Variants in BAZ2B observed in about 807,000 individuals in gnomAD.
The protein encoded by BAZ2B is bromodomain adjacent to zinc finger domain protein 2B.
In BAZ2B, 91 loss-of-function variants were observed where a neutral mutation model predicts 246.0. That is an observed-to-expected ratio of 0.37 (90% CI 0.31 to 0.44). The LOEUF (loss-of-function observed/expected upper bound fraction) is 0.44, where lower values mean the gene tolerates loss of function less well. Ranked by LOEUF, BAZ2B falls within the 20% of genes least tolerant of loss-of-function variation. BAZ2B has a pLI of 1.00. For missense variants in BAZ2B, 2,332 were observed against 2,533.7 expected, an observed-to-expected ratio of 0.92 and a Z score of 1.71; for synonymous variants, 855 against 860.0, an observed-to-expected ratio of 0.99 and a Z score of 0.10.
At chr2:159,638,084 G>C in the BAZ2B span, among the ~76,000 whole-genome samples, 1 of 152,262 alleles carries the variant, frequency 6.6e-6, no homozygotes, top group African/African-American at 2.4e-5. Context: ...CACAGAGAGA[G>C]AGAGACTCCG....
At chr2:159,559,162 T>G (rs976513836) in intron 1 of BAZ2B, among the ~76,000 whole-genome samples, 1 of 152,040 alleles carries the variant, frequency 6.6e-6, no homozygotes, top group Non-Finnish European at 1.5e-5. Flanking sequence ...GAGGATCACC[T>G]GAGCCCAAGG....
chr2:159,343,951 G>A lies in BAZ2B; in HGVS notation c.5454+3535C>T, dbSNP rs568962457. Among the ~76,000 whole-genome samples, 499 of 150,078 alleles carry A rather than the reference G, an allele frequency of 3.3e-3. 2 individuals are homozygous for A. Among genetic ancestry groups the A allele is most frequent in the African/African-American group, 0.012 (475 of 40,892 alleles). ...TGAGGCAGCAGAATGGCGGGAACCC[G>A]GGAGGTGGAGCTTGCAGTGAGCCAA... On this transcript the variant is annotated intron_variant, in intron 31 of 36. Coordinates refer to ENST00000392783, the MANE Select transcript of BAZ2B (RefSeq NM_013450.4).
At chr2:159,691,179 A>T in the BAZ2B span, among the ~76,000 whole-genome samples, 1 of 152,160 alleles carries the variant, frequency 6.6e-6, no homozygotes, top group Non-Finnish European at 1.5e-5. Flanking sequence ...TATATGATTT[A>T]TCTCTATATT....
chr2:159,365,408 A>G (rs1245989912), intron 27 of BAZ2B, among the ~76,000 whole-genome samples: 1 of 152,248 alleles, frequency 6.6e-6, no homozygotes, highest in Non-Finnish European at 1.5e-5. Context: ...AAGCAGAAAC[A>G]GACGAAGAAT....
the BAZ2B span, among the ~76,000 whole-genome samples, chr2:159,624,480 A>G: frequency 6.6e-6 from 1 of 152,158 alleles, no homozygotes; most frequent in African/African-American, 2.4e-5. Context: ...TCTGGGACGA[A>G]GCTTCCAGAG....
chr2:159,535,619 G>A (rs1037661731), intron 2 of BAZ2B, among the ~76,000 whole-genome samples: 1 of 152,136 alleles, frequency 6.6e-6, no homozygotes, highest in Non-Finnish European at 1.5e-5. Context: ...TTATCAGTAT[G>A]TAAAAATGAT....
At chr2:159,474,871 T>G (rs2078305954) in intron 3 of BAZ2B, among the ~76,000 whole-genome samples, 1 of 152,206 alleles carries the variant, frequency 6.6e-6, no homozygotes, top group African/African-American at 2.4e-5. Flanking sequence ...TTTAAGAATG[T>G]TGAATATTGG....
intron 25 of BAZ2B, among the ~76,000 whole-genome samples, chr2:159,375,723 G>A (rs954646342): frequency 3.3e-5 from 5 of 152,170 alleles, no homozygotes; most frequent in African/African-American, 9.7e-5. Context: ...GGATGTAAGA[G>A]ATATCACATA....
At chr2:159,668,877 C>T in the BAZ2B span, among the ~76,000 whole-genome samples, 1 of 151,890 alleles carries the variant, frequency 6.6e-6, no homozygotes, top group African/African-American at 2.4e-5. Context: ...GGCAACATGG[C>T]GAAACCCCAT....
the BAZ2B span, among the ~76,000 whole-genome samples, chr2:159,674,391 AAAG>A: frequency 7.1e-6 from 1 of 141,734 alleles, no homozygotes; most frequent in Non-Finnish European, 1.6e-5. Context: ...GAAGAAAAGA[AAAG>A]AAAAGAGAAG....
chr2:159,697,997 T>C, the BAZ2B span, among the ~76,000 whole-genome samples: 10 of 152,210 alleles, frequency 6.6e-5, no homozygotes, highest in Non-Finnish European at 1.3e-4. Context: ...TGTTTTTTCA[T>C]ATGAAATATG....
intron 13 of BAZ2B, among the ~76,000 whole-genome samples, chr2:159,415,444 C>CAAAAAAAAAAAA (rs66504722): frequency 1.8e-5 from 2 of 112,932 alleles, no homozygotes; most frequent in Admixed American, 9.7e-5. Context: ...GACTCCGTCT[C>CAAAAAAAAAAAA]AAAAAAAAAA....
downstream of BAZ2B, among the ~76,000 whole-genome samples, chr2:159,316,865 G>A (rs2062185736): frequency 6.6e-6 from 1 of 151,844 alleles, no homozygotes; most frequent in Non-Finnish European, 1.5e-5. Context: ...GCCAGGTGTG[G>A]TGGCACGTGC....
intron 2 of BAZ2B, among the ~76,000 whole-genome samples, chr2:159,509,046 C>T (rs889881335): frequency 2.6e-5 from 4 of 152,118 alleles, no homozygotes. Context: ...AAACATTGTT[C>T]TCCTAATCCA....
Position 159,582,983 on chromosome 2 carries a change from AAAT to A in BAZ2B, c.-45-27121_-45-27119del, listed in dbSNP as rs917317791. 7.2e-5 allele frequency among the ~76,000 whole-genome samples: 11 copies of A among 152,186 alleles called. No homozygotes were observed. The East Asian group carries it at 7.7e-4, about 11-fold the overall frequency. ...GGATTTTGAAAGCTAACTCAACAAAAAATAATGTGTATAATTATATAGAATACA... is the reference window on the plus strand; with the variant it reads ...GGATTTTGAAAGCTAACTCAACAAAAAATGTGTATAATTATATAGAATACA... On this transcript the variant is annotated intron_variant, in intron 1 of 36. Coordinates refer to ENST00000392783, the MANE Select transcript of BAZ2B (RefSeq NM_013450.4).
chr2:159,568,020 A>AT (rs1683054198), intron 1 of BAZ2B, among the ~76,000 whole-genome samples: 1 of 152,178 alleles, frequency 6.6e-6, no homozygotes. Context: ...TTTTTTTGAG[A>AT]TAAAACTCAC....
chr2:159,456,634 G>C (rs1017822716), intron 3 of BAZ2B, among the ~76,000 whole-genome samples: 5 of 152,134 alleles, frequency 3.3e-5, no homozygotes, highest in African/African-American at 1.2e-4. Context: ...TGCCTGGCAA[G>C]AATGCAGAGA....
the BAZ2B span, among the ~76,000 whole-genome samples, chr2:159,626,556 C>A: frequency 6.6e-6 from 1 of 152,082 alleles, no homozygotes; most frequent in Non-Finnish European, 1.5e-5. Flanking sequence ...AACTGAACAA[C>A]CTGAATGAAT....
intron 26 of BAZ2B, among the ~76,000 whole-genome samples, chr2:159,374,256 A>C (rs538001961): frequency 6.6e-6 from 1 of 152,210 alleles, no homozygotes; most frequent in East Asian, 1.9e-4. Context: ...TTACAAATCC[A>C]ATGCAAATAA....
Sources: allele counts gnomAD v4.1 joint callset (sites outside exome capture counted in the v4.1 genomes callset), GRCh38; gene constraint gnomAD v4.1.1; transcripts MANE v1.5; gene names NCBI Gene and HGNC (gene_info 2026-07-23, HGNC 2026-07-21).